The following TMED10 variants were observed in gnomAD, a reference collection of about 807,000 sequenced individuals.
TMED10 encodes the protein transmembrane p24 trafficking protein 10, also known as transmembrane emp24 domain-containing protein 10.
Under a neutral mutation model 23.1 loss-of-function variants are expected in TMED10, and 7 were observed. The ratio of observed to expected loss-of-function variants is 0.30; its 90% CI spans 0.17 to 0.57. The LOEUF (loss-of-function observed/expected upper bound fraction) is 0.57, where lower values mean the gene tolerates loss of function less well. TMED10 is among the 20% of genes least tolerant of loss of function. TMED10 has a pLI of 0.91. For synonymous variants in TMED10, 113 were observed against 106.9 expected, an observed-to-expected ratio of 1.06 and a Z score of -0.35; for missense variants, 162 against 274.8, an observed-to-expected ratio of 0.59 and a Z score of 2.90.
At chr14:75,173,886 A>G (rs962345418) in intron 1 of TMED10, among the ~76,000 whole-genome samples, 2 of 152,146 alleles carry the variant, frequency 1.3e-5, no homozygotes, top group Non-Finnish European at 2.9e-5. Context: ...ACACGCCACC[A>G]TGCCCAGCTA....
At position 75,176,535 on chromosome 14, in the gene TMED10, C is replaced by T. The variant is rs747486630; in HGVS notation, c.45G>A (p.Pro15=). 3 of 1,614,152 alleles carry T rather than the reference C, an allele frequency of 1.9e-6. No homozygotes were observed. Among genetic ancestry groups the T allele is most frequent in the East Asian group, 2.2e-5 (1 of 44,878 alleles). Residue 15 remains proline (P), a synonymous_variant, in exon 1 of 5, where the codon CCG becomes CCA. Transcript: ENST00000303575. ...GCAGGAACAAAAGCAGCAACGCTAA[C>T]GGAAAAGGGCCGCGCCGGGCTGGTG... ...SGPPARRGPF[P]LALLLLFLLG... is the part of the protein sequence containing the mutation.
At position 75,147,710 on chromosome 14, in the gene TMED10, A is replaced by T; in HGVS notation, c.365T>A (p.Val122Glu). The T allele has an allele frequency of 6.2e-7, 1 of 1,614,160 alleles. No homozygotes were observed. Among genetic ancestry groups the T allele is most frequent in the Non-Finnish European group, 8.5e-7 (1 of 1,180,020 alleles). ...CACTCCATGCTTCATGTCTAGGATC[A>T]CGAGTTGGTCAGGTATCCGCCCTGT... The part of the protein sequence containing the change: ...KGTGRIPDQL[V>E]ILDMKHGVEA... Residue 122 changes from valine (V) to glutamate (E), a missense_variant, in exon 3 of 5, where the codon GTG (valine) becomes GAG (glutamate). Transcript: ENST00000303575.
chr14:75,164,550 TATATATATATATATATATATATATATA>T (rs1483372613), intron 1 of TMED10, among the ~76,000 whole-genome samples: 344 of 20,432 alleles, frequency 0.017, 16 homozygotes, highest in African/African-American at 0.034. Flanking sequence ...TATATATATA[TATATATATATATATATATATATATATA>T]TTTTTTTTTT....
Position 75,176,429 on chromosome 14 carries a change from C to T in TMED10, c.151G>A (p.Asp51Asn), listed in dbSNP as rs201835733. Reference protein sequence around the residue: ...RKCLREEIHKDLLVTGAYEIS... With the variant: ...RKCLREEIHKNLLVTGAYEIS... ...TCGTACGCGCCAGTCACTAGCAGGT[C>T]CTTGTGAATCTCCTCACGGAGGCAC... is the stretch of plus-strand genomic sequence containing the variant. The change falls in exon 1 of 5, where the codon GAC becomes AAC. Residue 51 changes from aspartate to asparagine, a missense_variant. Asp to Asn is a conservative substitution (Grantham distance 23). Transcript: ENST00000303575. 7 of 1,614,238 alleles carry T rather than the reference C, an allele frequency of 4.3e-6. No homozygotes were observed. In the East Asian group the frequency reaches 1.3e-4, roughly 31 times the overall value.
rs59328978 is a variant in TMED10, at chr14:75,153,777, CTT to C, written c.226-1636_226-1635del. Among the ~76,000 whole-genome samples, 37 of 131,774 alleles carry C rather than the reference CTT, an allele frequency of 2.8e-4. 1 individual carries two copies. Among genetic ancestry groups the C allele is most frequent in the African/African-American group, 9.4e-4 (34 of 36,304 alleles). 86.4% of individuals were successfully genotyped at this position (131,774 alleles called of 152,430 possible). On this transcript the variant is annotated intron_variant, in intron 1 of 4. Coordinates refer to ENST00000303575, the MANE Select transcript of TMED10 (RefSeq NM_006827.6). ...GGTGAGACTTTCTATTTTTTTTTCCCTTTTTTTTTTTGAAATGGAGTCTCACT... is the reference window on the plus strand; with the variant it reads ...GGTGAGACTTTCTATTTTTTTTTCCCTTTTTTTTTGAAATGGAGTCTCACT...
At chr14:75,139,098 T>C in intron 3 of TMED10, 3 of 447,572 alleles carry the variant, frequency 6.7e-6, no homozygotes, top group South Asian at 1.6e-5. Context: ...AATTCCCACA[T>C]TGCTTTCCAG....
chr14:75,143,895 C>T lies in TMED10; in HGVS notation c.411+3769G>A, dbSNP rs1266020291. 2.1e-5 allele frequency among the ~76,000 whole-genome samples: 3 copies of T among 143,692 alleles called. No individual in the cohort carries two copies. In the Admixed American group the frequency reaches 2.2e-4, roughly 11 times the overall value. The allele number at this position is 143,692 out of a possible 152,430, so 94.3% of individuals were successfully genotyped here. On this transcript the variant is annotated intron_variant, in intron 3 of 4. Transcript: ENST00000303575. Reference sequence around the variant, plus strand: ...GTTGCAGTGAGCTAAGATCACGCCACTGCACTACAGCCTGAATAACTGAGT... The same window carrying T: ...GTTGCAGTGAGCTAAGATCACGCCATTGCACTACAGCCTGAATAACTGAGT...
At chr14:75,140,858 C>T (rs1423428098) in intron 3 of TMED10, among the ~76,000 whole-genome samples, 4 of 151,524 alleles carry the variant, frequency 2.6e-5, no homozygotes, top group South Asian at 2.1e-4. Context: ...CCAGGCTGGG[C>T]AACACAGCAA....
At chr14:75,144,530 A>C (rs1205851556) in intron 3 of TMED10, among the ~76,000 whole-genome samples, 4 of 152,228 alleles carry the variant, frequency 2.6e-5, no homozygotes, top group Non-Finnish European at 5.9e-5. Flanking sequence ...CACATGGATT[A>C]ATTAATAACA....
At chr14:75,165,887 A>G (rs1896154574) in intron 1 of TMED10, among the ~76,000 whole-genome samples, 1 of 151,944 alleles carries the variant, frequency 6.6e-6, no homozygotes, top group Non-Finnish European at 1.5e-5. Flanking sequence ...ATTTCCAGGC[A>G]CTGGCATGAT....
intron 1 of TMED10, among the ~76,000 whole-genome samples, chr14:75,164,552 TATATATATATATATATATA>T (rs1896129250): frequency 8.3e-4 from 4 of 4,842 alleles, no homozygotes; most frequent in African/African-American, 1.9e-3. Context: ...TATATATATA[TATATATATATATATATATA>T]TATATATTTT....
chr14:75,167,082 C>T (rs1231966346), intron 1 of TMED10, among the ~76,000 whole-genome samples: 2 of 151,930 alleles, frequency 1.3e-5, no homozygotes, highest in African/African-American at 4.8e-5. Flanking sequence ...GCTGGGACCA[C>T]AGGTGCACAC....
chr14:75,153,894 C>T (rs1326177946), intron 1 of TMED10, among the ~76,000 whole-genome samples: 3 of 150,320 alleles, frequency 2.0e-5, no homozygotes, highest in South Asian at 4.2e-4. Flanking sequence ...CTCAGCCTCC[C>T]GAGTAGCTGG....
At chr14:75,144,272 G>C (rs187653241) in intron 3 of TMED10, among the ~76,000 whole-genome samples, 1 of 152,176 alleles carries the variant, frequency 6.6e-6, no homozygotes, top group Non-Finnish European at 1.5e-5. Context: ...CTAAAAAGAA[G>C]TGGCTCGGTT....
chr14:75,171,023 C>T (rs1896226665), intron 1 of TMED10, among the ~76,000 whole-genome samples: 1 of 152,062 alleles, frequency 6.6e-6, no homozygotes, highest in Non-Finnish European at 1.5e-5. Flanking sequence ...CCCTAGAACC[C>T]ACGAATGTGT....
intron 2 of TMED10, among the ~76,000 whole-genome samples, chr14:75,151,356 G>T (rs1472939992): frequency 1.3e-5 from 2 of 151,224 alleles, no homozygotes; most frequent in Non-Finnish European, 2.9e-5. Context: ...AGCAGCTAGG[G>T]TTACAGGCAC....
Position 75,163,000 on chromosome 14 carries a change from C to G in TMED10, c.226-10857G>C, listed in dbSNP as rs542273322. On this transcript the variant is annotated intron_variant, in intron 1 of 4. Coordinates refer to ENST00000303575, the MANE Select transcript of TMED10 (RefSeq NM_006827.6). The stretch of plus-strand genomic sequence containing the variant: ...TTGTAACGCCAGCACTTTAGGAGGC[C>G]GAAAGGGGAGGGTCACTTGAGTCCA... Among the ~76,000 whole-genome samples the G allele has an allele frequency of 2.6e-5, 4 of 151,572 alleles. No homozygotes were observed. In the East Asian group the frequency reaches 7.8e-4, roughly 29 times the overall value.
At chr14:75,166,718 G>A (rs546295268) in intron 1 of TMED10, among the ~76,000 whole-genome samples, 4 of 152,054 alleles carry the variant, frequency 2.6e-5, no homozygotes, top group Admixed American at 6.6e-5. Context: ...AAAGAAATTC[G>A]ATTTATATTA....
Position 75,132,213 on chromosome 14 carries a change from C to T in TMED10, c.*2672G>A, listed in dbSNP as rs1365036784. On this transcript the variant is annotated 3_prime_UTR_variant, in exon 5 of 5. Transcript: ENST00000303575. ...GACCAACCTGGCCAATATGGTGAAA[C>T]TCTGCTTCTACTGAAAATACAAAAA... 1 of 152,084 alleles carries T rather than the reference C, an allele frequency of 6.6e-6. No homozygotes were observed. Among genetic ancestry groups the T allele is most frequent in the East Asian group, 1.9e-4 (1 of 5,188 alleles). The allele number at this position is 152,084 out of a possible 1,614,324, so 9.4% of individuals were successfully genotyped here.
Sources: allele counts gnomAD v4.1 joint callset (sites outside exome capture counted in the v4.1 genomes callset), GRCh38; gene constraint gnomAD v4.1.1; transcripts MANE v1.5; gene names NCBI Gene and HGNC (gene_info 2026-07-23, HGNC 2026-07-21).